The following DENND4C variants were observed in gnomAD, a reference collection of about 807,000 sequenced individuals.
The protein encoded by DENND4C is DENN domain containing 4C.
In DENND4C, 108 loss-of-function variants were observed where a neutral mutation model predicts 203.0. The ratio of observed to expected loss-of-function variants is 0.53; its 90% confidence interval spans 0.46 to 0.62. The LOEUF (loss-of-function observed/expected upper bound fraction) is 0.62. DENND4C is among the 20% of genes least tolerant of loss of function. DENND4C has a pLI of 0.00. For synonymous variants in DENND4C, 871 were observed against 792.4 expected (o/e 1.10, Z -1.67); for missense variants, 2,481 against 2,301.2 (o/e 1.08, Z -1.60).
chr9:19,276,560 G>A, intron 2 of DENND4C, 81 bp downstream of exon 2: 1 of 818,192 alleles, frequency 1.2e-6, no homozygotes, highest in Non-Finnish European at 1.6e-6. Flanking sequence ...TGAAATCCTT[G>A]ATAGTTTTAT....
chr9:19,322,877 A>G (rs111307768), intron 12 of DENND4C, among the ~76,000 whole-genome samples: 32 of 152,266 alleles, frequency 2.1e-4, no homozygotes, highest in African/African-American at 7.0e-4. Flanking sequence ...GGCAGAGCTA[A>G]TGGGCTGGGA....
chr9:19,255,406 A>AG (rs1222085825), intron 1 of DENND4C, among the ~76,000 whole-genome samples: 3 of 40,144 alleles, frequency 7.5e-5, no homozygotes, highest in Non-Finnish European at 2.0e-4. Flanking sequence ...TCCTGCCTCC[A>AG]AAAAAAAAAA....
In DENND4C at chr9:19,271,147, G is replaced by T. The variant is rs182537892; in HGVS notation, c.-17-5011G>T. ...TCAATAACCCTAATTATTTAATGCA[G>T]TCCTAATTAAAATCACAGTAGGCTT... On this transcript the variant is annotated intron_variant, in intron 1 of 32. Transcript: ENST00000434457. Among the ~76,000 whole-genome samples, 335 of 150,560 alleles carry T rather than the reference G, an allele frequency of 2.2e-3. 1 individual carries two copies. Among genetic ancestry groups the T allele is most frequent in the Middle Eastern group, 7.0e-3 (2 of 286 alleles).
At chr9:19,270,660 G>A (rs547139646) in intron 1 of DENND4C, among the ~76,000 whole-genome samples, 1 of 152,244 alleles carries the variant, frequency 6.6e-6, no homozygotes, top group South Asian at 2.1e-4. Flanking sequence ...TGTGACCAGT[G>A]ATGAACATAT....
Position 19,300,310 on chromosome 9 carries a change from G to A in DENND4C, c.1290G>A (p.Gly430=). 6.3e-7 allele frequency: 1 copy of A among 1,591,416 alleles called. No homozygotes were observed. The highest frequency in any genetic ancestry group is 2.2e-5 in the East Asian group (1 of 44,564). ...CTCTTAGGCCAGCTGTCTTGACTGG[G>A]GTAGCTGAAGCTGTTGTAGCTGTAA... ...LHSLRPAVLT[G]VAEAVVAMIF... Residue 430 remains glycine, a synonymous_variant, in exon 9 of 33, where the codon GGG becomes GGA. Coordinates refer to ENST00000434457, the MANE Select transcript of DENND4C (RefSeq NM_001330640.2).
At chr9:19,303,856 T>A (rs1839093873) in intron 9 of DENND4C, among the ~76,000 whole-genome samples, 1 of 152,114 alleles carries the variant, frequency 6.6e-6, no homozygotes, top group African/African-American at 2.4e-5. Flanking sequence ...TTATTAAATT[T>A]TTTTTTGTAA....
chr9:19,250,156 T>C (rs571057934), intron 1 of DENND4C, among the ~76,000 whole-genome samples: 1 of 152,112 alleles, frequency 6.6e-6, no homozygotes, highest in Non-Finnish European at 1.5e-5. Context: ...TGTTCTCACA[T>C]GGCTGACATA....
chr9:19,337,742 T>G, intron 20 of DENND4C: 2 of 966,764 alleles, frequency 2.1e-6, no homozygotes, highest in Non-Finnish European at 2.8e-6. Context: ...TCATTGTATT[T>G]TAAGTTTGTT....
chr9:19,321,478 TTTG>T (rs1272227985), intron 12 of DENND4C, among the ~76,000 whole-genome samples: 2 of 151,962 alleles, frequency 1.3e-5, no homozygotes, highest in Non-Finnish European at 2.9e-5. Flanking sequence ...GGTTTTTTTT[TTTG>T]TTTTGTTTTG....
At chr9:19,352,748 T>A in intron 26 of DENND4C, 83 bp downstream of exon 26, 2 of 1,137,958 alleles carry the variant, frequency 1.8e-6, no homozygotes, top group Non-Finnish European at 2.4e-6. Context: ...ATTCCTGGTA[T>A]GCTCCAGGTC....
intron 2 of DENND4C, among the ~76,000 whole-genome samples, chr9:19,279,706 G>T (rs1833645940): frequency 6.6e-6 from 1 of 151,684 alleles, no homozygotes; most frequent in South Asian, 2.1e-4. Flanking sequence ...AATTAGCAAG[G>T]TGTGGTGGCA....
chr9:19,311,977 T>C (rs1840821312), intron 10 of DENND4C, among the ~76,000 whole-genome samples: 1 of 152,148 alleles, frequency 6.6e-6, no homozygotes, highest in African/African-American at 2.4e-5. Flanking sequence ...TTGTTCAAAA[T>C]AGAAAAAGAA....
At chr9:19,334,611 T>C (rs1820021224) in intron 17 of DENND4C, among the ~76,000 whole-genome samples, 1 of 149,358 alleles carries the variant, frequency 6.7e-6, no homozygotes, top group Non-Finnish European at 1.5e-5. Flanking sequence ...TTACAACCTC[T>C]ACCTCCTGGC....
chr9:19,315,283 C>G (rs1352114908), intron 10 of DENND4C, among the ~76,000 whole-genome samples: 1 of 151,862 alleles, frequency 6.6e-6, no homozygotes, highest in African/African-American at 2.4e-5. Context: ...CTGTGAGAAG[C>G]CTTTAAAATC....
intron 1 of DENND4C, among the ~76,000 whole-genome samples, chr9:19,250,317 A>ACG (rs1826240532): frequency 6.6e-6 from 1 of 152,088 alleles, no homozygotes; most frequent in African/African-American, 2.4e-5. Context: ...AGTGGCGTGC[A>ACG]CCTGTAATCC....
intron 1 of DENND4C, among the ~76,000 whole-genome samples, chr9:19,272,505 C>G (rs546956683): frequency 7.9e-4 from 120 of 152,188 alleles, no homozygotes; most frequent in African/African-American, 2.8e-3. Flanking sequence ...CTCCCTCCCA[C>G]CTCGGCCTCC....
intron 1 of DENND4C, among the ~76,000 whole-genome samples, chr9:19,233,658 T>G (rs10964056): frequency 4.1e-5 from 4 of 96,838 alleles, no homozygotes; most frequent in South Asian, 4.3e-4. Flanking sequence ...CCTCCCAGAT[T>G]GAAGCGATTC....
At chr9:19,295,964 T>C (rs1563774053) in intron 5 of DENND4C, 44 bp from the exon 6 acceptor site, 2 of 1,425,404 alleles carry the variant, frequency 1.4e-6, no homozygotes, top group Non-Finnish European at 1.9e-6. Context: ...GTTAATTTTT[T>C]CAAACAAACT....
chr9:19,276,310 A>G lies in DENND4C; in HGVS notation c.136A>G (p.Ile46Val), dbSNP rs1006969698. ...STGPKAPITD[I>V]AIIIKSAGET... is the part of the protein sequence containing the mutation. ...TGGACCTAAAGCTCCAATTACAGACATTGCCATTATTATCAAATCAGCTGG... is the reference window on the plus strand; with the variant it reads ...TGGACCTAAAGCTCCAATTACAGACGTTGCCATTATTATCAAATCAGCTGG... The change falls in exon 2 of 33, where the codon ATT becomes GTT. Residue 46 changes from isoleucine (I) to valine (V), a missense_variant. Physicochemically the swap from Ile to Val is conservative, Grantham distance 29. Around this residue, in one of 3 missense-constraint regions of DENND4C, gnomAD observed 187 missense variants for 167.4 expected, o/e 1.12. Transcript: ENST00000434457. 2.0e-5 allele frequency: 25 copies of G among 1,231,986 alleles called. No homozygotes were observed. Among genetic ancestry groups the G allele is most frequent in the Non-Finnish European group, 2.4e-5 (24 of 987,948 alleles). 76.3% of individuals were successfully genotyped at this position (1,231,986 alleles called of 1,614,324 possible).
Sources: allele counts gnomAD v4.1 joint callset (sites outside exome capture counted in the v4.1 genomes callset), GRCh38; gene constraint gnomAD v4.1.1; regional missense constraint gnomAD v4.1.1; transcripts MANE v1.5; gene names NCBI Gene and HGNC (gene_info 2026-07-23, HGNC 2026-07-21).